The following SGK1 variants were observed in gnomAD, a reference collection of about 807,000 sequenced individuals.
The protein encoded by SGK1 is serum/glucocorticoid regulated kinase 1, also known as serine/threonine-protein kinase Sgk1.
Under a neutral mutation model 64.2 loss-of-function variants are expected in SGK1, and 26 were observed. That is an observed-to-expected ratio of 0.40 (90% CI 0.30 to 0.56). The LOEUF (loss-of-function observed/expected upper bound fraction) is 0.56, where lower values mean the gene tolerates loss of function less well. Ranked by LOEUF, SGK1 falls within the 20% of genes least tolerant of loss-of-function variation. The probability of loss-of-function intolerance (pLI) is 0.38; values close to 1 mark genes in which losing one functional copy is unlikely to be tolerated. For missense variants in SGK1, 519 were observed against 645.6 expected (o/e 0.80, Z 2.12); for synonymous variants, 265 against 239.7 (o/e 1.11, Z -0.98).
At chr6:134,302,006 C>G (rs546012489) in intron 1 of SGK1, among the ~76,000 whole-genome samples, 2 of 152,198 alleles carry the variant, frequency 1.3e-5, no homozygotes, top group East Asian at 3.9e-4. Context: ...GAATGCCCTC[C>G]AAGTTTTTGA....
intron 3 of SGK1, among the ~76,000 whole-genome samples, chr6:134,197,854 A>AAAATAAAATT (rs1775618908): frequency 6.8e-6 from 1 of 146,702 alleles, no homozygotes; most frequent in Admixed American, 6.8e-5. Flanking sequence ...AAAATAAAAT[A>AAAATAAAATT]AAATTAAATT....
chr6:134,183,029 C>CCAGTCATACTT, intron 3 of SGK1, among the ~76,000 whole-genome samples: 1 of 152,270 alleles, frequency 6.6e-6, no homozygotes, highest in East Asian at 1.9e-4. Flanking sequence ...AGATCAGAGG[C>CCAGTCATACTT]CAGTCATACT....
chr6:134,314,894 C>T (rs980342488), intron 1 of SGK1, among the ~76,000 whole-genome samples: 4 of 149,984 alleles, frequency 2.7e-5, no homozygotes, highest in Non-Finnish European at 5.9e-5. Context: ...ATAAAATATG[C>T]AGAAATGTGT....
At chr6:134,179,827 C>A (rs7752937) in intron 3 of SGK1, among the ~76,000 whole-genome samples, 6,807 of 152,010 alleles carry the variant, frequency 0.045, 536 homozygotes, top group African/African-American at 0.15. Flanking sequence ...AAAAGTGAGC[C>A]CATAGGAAAA....
chr6:134,260,368 A>ACCCCCCCCCCC (rs1427611267), intron 2 of SGK1: 3 of 57,392 alleles, frequency 5.2e-5, no homozygotes, highest in Admixed American at 1.7e-4. Context: ...CCTGTCCCCG[A>ACCCCCCCCCCC]CCCCCACCCC....
At chr6:134,275,342 C>T (rs1179749162) in intron 1 of SGK1, among the ~76,000 whole-genome samples, 3 of 152,122 alleles carry the variant, frequency 2.0e-5, no homozygotes, top group African/African-American at 7.2e-5. Context: ...CCACTGTGTC[C>T]AGCCTCCCTT....
At chr6:134,188,431 C>T (rs747607428) in intron 3 of SGK1, among the ~76,000 whole-genome samples, 36 of 152,116 alleles carry the variant, frequency 2.4e-4, no homozygotes, top group Admixed American at 6.6e-5. Context: ...GCTCACTGTG[C>T]GGGTATCTTT....
intron 2 of SGK1, among the ~76,000 whole-genome samples, chr6:134,250,634 G>GTGAT (rs1159068959): frequency 1.3e-5 from 2 of 152,182 alleles, no homozygotes; most frequent in Non-Finnish European, 2.9e-5. Flanking sequence ...AAATATCAAG[G>GTGAT]TGATATTAAT....
chr6:134,299,797 CTG>C (rs571977006), intron 1 of SGK1, among the ~76,000 whole-genome samples: 30 of 138,084 alleles, frequency 2.2e-4, no homozygotes, highest in Non-Finnish European at 2.3e-4. Flanking sequence ...TTTCCAATCC[CTG>C]TGACTTTTTT....
rs1404938789 is a variant in SGK1 at position 134,169,546 on chromosome 6, G to C, written c.*722C>G. On this transcript the variant is annotated 3_prime_UTR_variant, in exon 14 of 14. Coordinates refer to ENST00000367858, the MANE Select transcript of SGK1 (RefSeq NM_001143676.3). ...AACAATGAAAAACACCAACGGCTCT[G>C]ACTGACAACTGGGGCATTGGTCCAT... The C allele has an allele frequency of 6.6e-6, 1 of 152,036 alleles. No individual in the cohort carries two copies. Among genetic ancestry groups the C allele is most frequent in the East Asian group, 1.9e-4 (1 of 5,188 alleles). The allele number at this position is 152,036 out of a possible 1,614,324, so 9.4% of individuals were successfully genotyped here. A position where few individuals can be genotyped will look rare whatever the true frequency, so the allele number is the denominator to read the frequency against.
chr6:134,295,336 C>G (rs546402018), intron 1 of SGK1, among the ~76,000 whole-genome samples: 1 of 152,298 alleles, frequency 6.6e-6, no homozygotes, highest in South Asian at 2.1e-4. Flanking sequence ...AATTAGGGCT[C>G]TGTTTTGAGA....
Position 134,222,483 on chromosome 6 carries a change from C to T in SGK1, c.286-15052G>A, listed in dbSNP as rs549002756. On this transcript the variant is annotated intron_variant, in intron 2 of 13. Transcript: ENST00000367858. Reference sequence around the variant, plus strand: ...CCCAAGTAGCTGGGATTACAGGCGCCCACCACCACGCCTGGCTAATTTTTG... The same window carrying T: ...CCCAAGTAGCTGGGATTACAGGCGCTCACCACCACGCCTGGCTAATTTTTG... Among the ~76,000 whole-genome samples, 12 of 152,024 alleles carry T rather than the reference C, an allele frequency of 7.9e-5. 2 individuals are homozygous for T. Among genetic ancestry groups the T allele is most frequent in the African/African-American group, 2.7e-4 (11 of 41,458 alleles).
chr6:134,249,989 T>C (rs1229598770), intron 2 of SGK1, among the ~76,000 whole-genome samples: 1 of 152,192 alleles, frequency 6.6e-6, no homozygotes, highest in Non-Finnish European at 1.5e-5. Context: ...GTTACTTAAC[T>C]AGAGAGCTAC....
chr6:134,234,312 A>G (rs1211475133), intron 2 of SGK1, among the ~76,000 whole-genome samples: 2 of 152,142 alleles, frequency 1.3e-5, no homozygotes, highest in East Asian at 3.9e-4. Flanking sequence ...CTGAGGCAGG[A>G]GAATCGCTTG....
intron 2 of SGK1, among the ~76,000 whole-genome samples, chr6:134,236,656 A>AAC (rs199531439): frequency 1.8e-4 from 27 of 151,834 alleles, no homozygotes; most frequent in Non-Finnish European, 2.8e-4. Flanking sequence ...ATGAATTTTA[A>AAC]ACACACACAC....
At chr6:134,282,819 G>C (rs1777115115) in intron 1 of SGK1, among the ~76,000 whole-genome samples, 1 of 151,586 alleles carries the variant, frequency 6.6e-6, no homozygotes, top group Admixed American at 6.6e-5. Context: ...TTTCAGACTT[G>C]CCATCTCCAC....
intron 3 of SGK1, among the ~76,000 whole-genome samples, chr6:134,204,961 CT>C (rs1562249741): frequency 8.8e-6 from 1 of 113,316 alleles, no homozygotes; most frequent in East Asian, 1.9e-4. Context: ...CCTTTTCTTT[CT>C]TTCTTTCTTT....
chr6:134,297,340 G>A lies in SGK1; in HGVS notation c.69+20052C>T, dbSNP rs779470287. 4.8e-5 allele frequency: 51 copies of A among 1,064,828 alleles called. No homozygotes were observed. The Admixed American group carries it at 6.1e-4, about 13-fold the overall frequency. The allele number at this position is 1,064,828 out of a possible 1,614,324, so 66.0% of individuals were successfully genotyped here. On this transcript the variant is annotated intron_variant, in intron 1 of 13. Coordinates refer to ENST00000367858, the MANE Select transcript of SGK1 (RefSeq NM_001143676.3). ...TATCGCGCCATGTCCTGCTAGGCCC[G>A]CTGCAGGGCGGCCTCCAGCTCAGAC...
intron 1 of SGK1, among the ~76,000 whole-genome samples, chr6:134,290,804 C>T (rs1328251446): frequency 6.6e-6 from 1 of 152,144 alleles, no homozygotes; most frequent in Non-Finnish European, 1.5e-5. Flanking sequence ...TCTGGGCCAC[C>T]TCCTATAAAC....
Sources: gnomAD v4.1 joint callset for allele counts (sites outside exome capture counted in the v4.1 genomes callset) on GRCh38, gnomAD v4.1.1 for gene constraint, MANE v1.5 for transcripts, NCBI Gene and HGNC (gene_info 2026-07-23, HGNC 2026-07-21) for gene names.